Variants in FHIT observed in about 807,000 individuals in gnomAD.
FHIT encodes the protein fragile histidine triad diadenosine triphosphatase, also known as bis(5'-adenosyl)-triphosphatase.
Under a neutral mutation model 17.9 loss-of-function variants are expected in FHIT, and 19 were observed. That is an observed-to-expected ratio of 1.06 (90% CI 0.74 to 1.56). FHIT has a LOEUF of 1.56. FHIT is among the 40% of genes most tolerant of loss of function. The pLI is 0.00. For synonymous variants in FHIT, 81 were observed against 69.7 expected (o/e 1.16, Z -0.81); for missense variants, 248 against 189.2 (o/e 1.31, Z -1.82).
rs755595983 is a variant in FHIT at position 60,274,940 on chromosome 3, C to G, written c.104-260788G>C. On this transcript the variant is annotated intron_variant, in intron 5 of 9. Transcript: ENST00000492590. ...TTCTATTTTAATTTTCATTCCCAAA[C>G]AGAATTATGTTAGAATAACAAAATA... Among the ~76,000 whole-genome samples, 20 of 152,122 alleles carry G rather than the reference C, an allele frequency of 1.3e-4. 1 individual carries two copies. The highest frequency in any genetic ancestry group is 1.0e-4 in the Non-Finnish European group (7 of 68,016).
At chr3:59,819,862 T>C (rs1391977666) in intron 8 of FHIT, among the ~76,000 whole-genome samples, 1 of 152,208 alleles carries the variant, frequency 6.6e-6, no homozygotes, top group Non-Finnish European at 1.5e-5. Context: ...TCTACCCTCA[T>C]GAATGGACTT....
chr3:59,812,045 C>G (rs972268094), intron 8 of FHIT, among the ~76,000 whole-genome samples: 2 of 152,112 alleles, frequency 1.3e-5, no homozygotes, highest in African/African-American at 4.8e-5. Flanking sequence ...GGGGGAGATT[C>G]TGCCCCCAGG....
chr3:60,941,938 A>G (rs539223983), intron 3 of FHIT, among the ~76,000 whole-genome samples: 1 of 152,280 alleles, frequency 6.6e-6, no homozygotes, highest in East Asian at 1.9e-4. Flanking sequence ...TCCCTGTCAA[A>G]CACTCTCACT....
At chr3:60,881,662 T>C (rs1312691451) in intron 3 of FHIT, among the ~76,000 whole-genome samples, 1 of 152,090 alleles carries the variant, frequency 6.6e-6, no homozygotes, top group South Asian at 2.1e-4. Context: ...AACATGCTCC[T>C]GTATAACCAA....
intron 5 of FHIT, among the ~76,000 whole-genome samples, chr3:60,027,858 A>G (rs1444568431): frequency 6.6e-6 from 1 of 152,128 alleles, no homozygotes; most frequent in Non-Finnish European, 1.5e-5. Context: ...GGAACTTTCT[A>G]TATCCTATAC....
chr3:60,245,204 T>C (rs1705330957), intron 5 of FHIT, among the ~76,000 whole-genome samples: 1 of 152,044 alleles, frequency 6.6e-6, no homozygotes, highest in Non-Finnish European at 1.5e-5. Flanking sequence ...TGAAACATAC[T>C]TTATATCTAA....
chr3:59,934,220 A>T (rs78803836), intron 7 of FHIT, among the ~76,000 whole-genome samples: 2 of 152,164 alleles, frequency 1.3e-5, no homozygotes, highest in African/African-American at 4.8e-5. Flanking sequence ...TATAATCCAA[A>T]TTATTATCAT....
At chr3:59,766,990 A>C (rs754159554) in intron 8 of FHIT, among the ~76,000 whole-genome samples, 3 of 152,158 alleles carry the variant, frequency 2.0e-5, no homozygotes, top group Non-Finnish European at 4.4e-5. Flanking sequence ...CAGATGCCAA[A>C]ATTAAATTTC....
intron 3 of FHIT, among the ~76,000 whole-genome samples, chr3:60,878,735 C>T (rs577918613): frequency 8.6e-5 from 13 of 152,010 alleles, no homozygotes; most frequent in African/African-American, 1.7e-4. Context: ...TGAGAACACG[C>T]GGTGTTTGGT....
chr3:60,025,747 AAAGAG>A (rs1700718738), intron 5 of FHIT, among the ~76,000 whole-genome samples: 2 of 151,918 alleles, frequency 1.3e-5, no homozygotes, highest in African/African-American at 4.8e-5. Flanking sequence ...AAAAAAAAAA[AAAGAG>A]AGAGTGAAAA....
chr3:60,908,225 A>C (rs1268482833), intron 3 of FHIT, among the ~76,000 whole-genome samples: 2 of 152,198 alleles, frequency 1.3e-5, no homozygotes, highest in African/African-American at 4.8e-5. Flanking sequence ...GGGGGTGTTA[A>C]ATTTTACAAA....
chr3:59,879,516 C>A (rs777102369), intron 8 of FHIT, among the ~76,000 whole-genome samples: 7 of 152,168 alleles, frequency 4.6e-5, no homozygotes, highest in Non-Finnish European at 5.9e-5. Context: ...CCCTAATCAA[C>A]TGCCATTTTC....
At chr3:60,392,485 G>C (rs557370098) in intron 5 of FHIT, among the ~76,000 whole-genome samples, 1 of 152,128 alleles carries the variant, frequency 6.6e-6, no homozygotes. Flanking sequence ...TAACTGAAGA[G>C]GAAGAAGGAC....
At chr3:60,843,202 C>T (rs147282670) in intron 3 of FHIT, among the ~76,000 whole-genome samples, 2 of 152,224 alleles carry the variant, frequency 1.3e-5, no homozygotes, top group East Asian at 3.9e-4. Context: ...AGGAGAACCA[C>T]AGAGAATTCT....
chr3:60,690,717 C>G (rs1402534840), intron 4 of FHIT: 7 of 431,048 alleles, frequency 1.6e-5, no homozygotes, highest in African/African-American at 1.4e-4. Context: ...TGGGGTTGAC[C>G]ATAGCTGGTA....
chr3:60,569,755 A>ATTTT (rs1553654909), intron 4 of FHIT, among the ~76,000 whole-genome samples: 36 of 77,316 alleles, frequency 4.7e-4, no homozygotes, highest in Middle Eastern at 8.8e-3. Context: ...ATATATATAT[A>ATTTT]TTTTTTTTTT....
chr3:60,944,920 T>C (rs1406415209), intron 3 of FHIT, among the ~76,000 whole-genome samples: 2 of 152,202 alleles, frequency 1.3e-5, no homozygotes, highest in African/African-American at 4.8e-5. Context: ...TAAACACTGT[T>C]CTAGGCACTA....
rs376402442 is a variant in FHIT at position 60,884,789 on chromosome 3, T to C, written c.-110-62778A>G. ...CTATAAAAAAATTAACTGGCTGTCC[T>C]AGCTACTTGGAAGACCAAAGTGGGA... On this transcript the variant is annotated intron_variant, in intron 3 of 9. Transcript: ENST00000492590. 1.3e-4 allele frequency among the ~76,000 whole-genome samples: 20 copies of C among 151,716 alleles called. No homozygotes were observed. In the East Asian group the frequency reaches 3.7e-3, roughly 28 times the overall value.
At chr3:60,324,357 GGT>G (rs35552116) in intron 5 of FHIT, among the ~76,000 whole-genome samples, 88,943 of 151,356 alleles carry the variant, frequency 0.59, 26,630 homozygotes, top group South Asian at 0.71. Flanking sequence ...GGCTGAGGCT[GGT>G]GAATCATGAG....
Sources: gnomAD v4.1 joint callset for allele counts (sites outside exome capture counted in the v4.1 genomes callset) on GRCh38, gnomAD v4.1.1 for gene constraint, MANE v1.5 for transcripts, NCBI Gene and HGNC (gene_info 2026-07-23, HGNC 2026-07-21) for gene names.